Variants in NRG3 observed in about 807,000 individuals in gnomAD.
NRG3 encodes neuregulin 3, also known as pro-neuregulin-3, membrane-bound isoform.
Under a neutral mutation model 66.9 loss-of-function variants are expected in NRG3, and 31 were observed. The observed-to-expected ratio is 0.46, with a 90% confidence interval of 0.35 to 0.63. The LOEUF (loss-of-function observed/expected upper bound fraction) is 0.63, where lower values mean the gene tolerates loss of function less well. Ranked by LOEUF, NRG3 falls within the 20% of genes least tolerant of loss-of-function variation. NRG3 has a pLI of 0.00. For missense variants in NRG3, 910 were observed against 878.9 expected, an observed-to-expected ratio of 1.04 and a Z score of -0.45; for synonymous variants, 393 against 359.4, an observed-to-expected ratio of 1.09 and a Z score of -1.06.
chr10:82,938,273 C>T (rs375940482), intron 4 of NRG3, among the ~76,000 whole-genome samples: 2 of 152,162 alleles, frequency 1.3e-5, no homozygotes, highest in East Asian at 3.9e-4. Flanking sequence ...TAGATTTGAA[C>T]GTACACAGAT....
chr10:81,953,265 T>C (rs917580644), intron 1 of NRG3, among the ~76,000 whole-genome samples: 1 of 152,144 alleles, frequency 6.6e-6, no homozygotes, highest in East Asian at 1.9e-4. Context: ...GAGAGCCCCA[T>C]CCTTTGCTTG....
intron 1 of NRG3, among the ~76,000 whole-genome samples, chr10:82,205,700 G>A (rs1465189064): frequency 2.0e-5 from 3 of 152,196 alleles, no homozygotes; most frequent in Non-Finnish European, 2.9e-5. Context: ...CCACCACAAA[G>A]AGGAGGGAGT....
intron 2 of NRG3, among the ~76,000 whole-genome samples, chr10:82,691,070 T>C (rs2054887264): frequency 6.6e-6 from 1 of 152,118 alleles, no homozygotes; most frequent in African/African-American, 2.4e-5. Context: ...CATCTGGAAG[T>C]GGCTTATGAT....
chr10:82,594,792 C>A (rs1174444126), intron 2 of NRG3, among the ~76,000 whole-genome samples: 1 of 151,242 alleles, frequency 6.6e-6, no homozygotes, highest in Non-Finnish European at 1.5e-5. Context: ...TTTTAGACCC[C>A]TGCATGTTCT....
chr10:82,723,610 A>G (rs1376215418), intron 2 of NRG3, among the ~76,000 whole-genome samples: 1 of 152,258 alleles, frequency 6.6e-6, no homozygotes, highest in Non-Finnish European at 1.5e-5. Context: ...ATGATAGTCT[A>G]TAAATGTGTG....
At chr10:82,939,829 C>G (rs1427220644) in intron 4 of NRG3, among the ~76,000 whole-genome samples, 1 of 151,556 alleles carries the variant, frequency 6.6e-6, no homozygotes, top group Non-Finnish European at 1.5e-5. Flanking sequence ...GAAAATGAAT[C>G]CCTAGGGTAA....
chr10:82,949,584 G>C (rs779930945), intron 4 of NRG3, among the ~76,000 whole-genome samples: 23 of 152,138 alleles, frequency 1.5e-4, no homozygotes, highest in Non-Finnish European at 3.4e-4. Flanking sequence ...GCTGGGTGTG[G>C]TGGCTCACAC....
At chr10:82,223,406 G>A (rs11193056) in intron 1 of NRG3, among the ~76,000 whole-genome samples, 6,190 of 152,122 alleles carry the variant, frequency 0.041, 153 homozygotes, top group Admixed American at 0.046. Flanking sequence ...ATCTGTATTT[G>A]GAAGAAGCTT....
intron 1 of NRG3, among the ~76,000 whole-genome samples, chr10:82,286,231 G>A (rs2079410366): frequency 6.6e-6 from 1 of 152,114 alleles, no homozygotes; most frequent in Non-Finnish European, 1.5e-5. Flanking sequence ...TTATCCTGAG[G>A]GACCTGAGTT....
chr10:82,964,631 T>TAA (rs1327162796), intron 6 of NRG3, among the ~76,000 whole-genome samples: 7 of 152,162 alleles, frequency 4.6e-5, no homozygotes, highest in Admixed American at 4.6e-4. Flanking sequence ...AAACATATTG[T>TAA]AACTATCAAT....
Position 82,249,942 on chromosome 10 carries a change from C to T in NRG3, c.824-108797C>T, listed in dbSNP as rs1054854335. On this transcript the variant is annotated intron_variant, in intron 1 of 8. Transcript: ENST00000372141. Reference sequence around the variant, plus strand: ...AGATTTGCTGCAGAAATGAATGAGGCCCTCTAAGCCCAATGTGAATATAAA... The same window carrying T: ...AGATTTGCTGCAGAAATGAATGAGGTCCTCTAAGCCCAATGTGAATATAAA... Among the ~76,000 whole-genome samples, 7 of 152,234 alleles carry T rather than the reference C, an allele frequency of 4.6e-5. No homozygotes were observed. In the South Asian group the frequency reaches 1.5e-3, roughly 32 times the overall value.
intron 1 of NRG3, among the ~76,000 whole-genome samples, chr10:82,276,795 C>T (rs1201753114): frequency 6.6e-6 from 1 of 151,928 alleles, no homozygotes; most frequent in Non-Finnish European, 1.5e-5. Context: ...ATTTGCAATG[C>T]TTACCATGTA....
At chr10:82,008,231 G>T (rs969549047) in intron 1 of NRG3, among the ~76,000 whole-genome samples, 1 of 152,142 alleles carries the variant, frequency 6.6e-6, no homozygotes, top group Admixed American at 6.6e-5. Context: ...TTAGAAGATC[G>T]GGAGGGAATA....
rs75437645 is a variant in NRG3, at chr10:82,790,354, C to T, written c.1027+51704C>T. On this transcript the variant is annotated intron_variant, in intron 3 of 8. Transcript: ENST00000372141. ...TTACTTCTCCTTCAGTTTTGAAGGA[C>T]AGTTTCGCTATTGGTTTTTTTCTTT... 6.9e-3 allele frequency among the ~76,000 whole-genome samples: 1,044 copies of T among 152,170 alleles called. 13 individuals carry two copies. The highest frequency in any genetic ancestry group is 0.024 in the African/African-American group (1,006 of 41,538).
intron 1 of NRG3, among the ~76,000 whole-genome samples, chr10:82,124,858 G>A (rs919577315): frequency 4.6e-5 from 7 of 151,810 alleles, no homozygotes; most frequent in Non-Finnish European, 7.4e-5. Flanking sequence ...ACTTGACACA[G>A]CAAAACATCA....
At chr10:82,664,972 A>G (rs1032481125) in intron 2 of NRG3, among the ~76,000 whole-genome samples, 11 of 152,062 alleles carry the variant, frequency 7.2e-5, no homozygotes, top group Non-Finnish European at 1.3e-4. Flanking sequence ...CTTTTCATCA[A>G]TACTCTACAG....
At chr10:82,591,460 C>T (rs2046980365) in intron 2 of NRG3, among the ~76,000 whole-genome samples, 1 of 152,120 alleles carries the variant, frequency 6.6e-6, no homozygotes, top group Non-Finnish European at 1.5e-5. Flanking sequence ...GTTAGTAAAG[C>T]TTGAAATTAG....
chr10:81,946,486 C>T (rs922267502), intron 1 of NRG3, among the ~76,000 whole-genome samples: 4 of 152,032 alleles, frequency 2.6e-5, no homozygotes, highest in East Asian at 1.9e-4. Context: ...TTAATTGCCC[C>T]GGAAGGCTCT....
chr10:82,636,282 G>A (rs1372238329), intron 2 of NRG3, among the ~76,000 whole-genome samples: 1 of 151,578 alleles, frequency 6.6e-6, no homozygotes, highest in African/African-American at 2.4e-5. Flanking sequence ...CAGGCATGCG[G>A]TGTGTGTGCA....
Sources: allele counts gnomAD v4.1 joint callset (sites outside exome capture counted in the v4.1 genomes callset), GRCh38; gene constraint gnomAD v4.1.1; transcripts MANE v1.5; gene names NCBI Gene and HGNC (gene_info 2026-07-23, HGNC 2026-07-21).